The following LDB2 variants were observed in gnomAD, a reference collection of about 807,000 sequenced individuals.
The protein encoded by LDB2 is LIM domain-binding protein 2.
In LDB2, 12 loss-of-function variants were observed where a neutral mutation model predicts 44.3. That is an observed-to-expected ratio of 0.27 (90% CI 0.17 to 0.44). The LOEUF (loss-of-function observed/expected upper bound fraction) is 0.44. LDB2 is among the 20% of genes least tolerant of loss of function. The probability of loss-of-function intolerance (pLI) is 1.00; values close to 1 mark genes in which losing one functional copy is unlikely to be tolerated. For synonymous variants in LDB2, 164 were observed against 174.8 expected, an observed-to-expected ratio of 0.94 and a Z score of 0.49; for missense variants, 344 against 473.5, an observed-to-expected ratio of 0.73 and a Z score of 2.54.
chr4:16,840,875 A>G (rs1344573594), intron 1 of LDB2, among the ~76,000 whole-genome samples: 4 of 152,188 alleles, frequency 2.6e-5, no homozygotes, highest in Non-Finnish European at 5.9e-5. Flanking sequence ...AACAGGGGTG[A>G]TGCCTCATTC....
chr4:16,730,908 T>TC lies in LDB2; in HGVS notation c.235+28249dup, dbSNP rs767448497. On this transcript the variant is annotated intron_variant, in intron 2 of 7. Coordinates refer to ENST00000304523, the MANE Select transcript of LDB2 (RefSeq NM_001290.5). ...CCTGTTCCATTAAATATTATTCTTA[T>TC]CCCCCTTGACTGTCAAGAATATTGC... Among the ~76,000 whole-genome samples, 230 of 152,262 alleles carry TC rather than the reference T, an allele frequency of 1.5e-3. 3 individuals are homozygous for TC. The highest frequency in any genetic ancestry group is 6.8e-3 in the Middle Eastern group (2 of 294).
intron 1 of LDB2, among the ~76,000 whole-genome samples, chr4:16,780,477 C>A (rs1236036355): frequency 2.6e-5 from 4 of 152,172 alleles, no homozygotes; most frequent in Non-Finnish European, 2.9e-5. Context: ...GCTGCCTCAG[C>A]CTCCCAAAGT....
At chr4:16,768,944 G>A (rs1769987329) in intron 1 of LDB2, among the ~76,000 whole-genome samples, 1 of 152,192 alleles carries the variant, frequency 6.6e-6, no homozygotes, top group African/African-American at 2.4e-5. Context: ...CCACGAAAGA[G>A]TTCAACCCCA....
chr4:16,530,488 C>G (rs1729779882), intron 5 of LDB2, among the ~76,000 whole-genome samples: 1 of 152,154 alleles, frequency 6.6e-6, no homozygotes, highest in East Asian at 1.9e-4. Context: ...GTAAGCTGCC[C>G]AAGGGCACAC....
Position 16,709,580 on chromosome 4 carries a change from C to T in LDB2, c.235+49578G>A, listed in dbSNP as rs1336669000. Among the ~76,000 whole-genome samples the T allele has an allele frequency of 1.4e-4, 22 of 152,078 alleles. 1 individual carries two copies. Among genetic ancestry groups the T allele is most frequent in the Admixed American group, 1.4e-3 (22 of 15,276 alleles). On this transcript the variant is annotated intron_variant, in intron 2 of 7. Transcript: ENST00000304523. ...CACAAGATATTTGTAGGGTAAGAACCTTCTGTACAAGAATTTATCAAAGGA... is the reference window on the plus strand; with the variant it reads ...CACAAGATATTTGTAGGGTAAGAACTTTCTGTACAAGAATTTATCAAAGGA...
At chr4:16,692,020 C>T (rs954861317) in intron 2 of LDB2, among the ~76,000 whole-genome samples, 3 of 152,038 alleles carry the variant, frequency 2.0e-5, no homozygotes, top group African/African-American at 7.3e-5. Context: ...CTTTATTGTG[C>T]TGAATCTGTG....
At chr4:16,645,050 C>T (rs990708381) in intron 2 of LDB2, among the ~76,000 whole-genome samples, 2 of 152,170 alleles carry the variant, frequency 1.3e-5, no homozygotes, top group African/African-American at 4.8e-5. Flanking sequence ...CACCCCCTGC[C>T]CAACTCTCTA....
At chr4:16,811,905 C>T (rs1444810881) in intron 1 of LDB2, among the ~76,000 whole-genome samples, 1 of 152,164 alleles carries the variant, frequency 6.6e-6, no homozygotes, top group African/African-American at 2.4e-5. Flanking sequence ...ACAAAATTAT[C>T]AGAGCTCATT....
Position 16,605,155 on chromosome 4 carries a change from C to A in LDB2, c.236-9280G>T, listed in dbSNP as rs138700316. On this transcript the variant is annotated intron_variant, in intron 2 of 7. Transcript: ENST00000304523. ...TTCTCTGATTCGAGTAGGATGATCC[C>A]GGTTATGGTAATACTGATTAGCTCT... is the stretch of plus-strand genomic sequence containing the variant. Among the ~76,000 whole-genome samples, 4 of 152,092 alleles carry A rather than the reference C, an allele frequency of 2.6e-5. No homozygotes were observed. In the East Asian group the frequency reaches 7.7e-4, roughly 29 times the overall value.
chr4:16,653,305 A>T (rs1299862393), intron 2 of LDB2, among the ~76,000 whole-genome samples: 1 of 152,214 alleles, frequency 6.6e-6, no homozygotes, highest in Non-Finnish European at 1.5e-5. Context: ...CTGCACAAGC[A>T]GGTATACACC....
chr4:16,898,276 C>T, intron 1 of LDB2, 78 bp downstream of exon 1: 1 of 1,413,460 alleles, frequency 7.1e-7, no homozygotes, highest in Non-Finnish European at 9.8e-7. Flanking sequence ...CCATAGAATT[C>T]AGCCAGAAAC....
chr4:16,556,527 C>T (rs976160549), intron 5 of LDB2, among the ~76,000 whole-genome samples: 1 of 152,148 alleles, frequency 6.6e-6, no homozygotes, highest in African/African-American at 2.4e-5. Flanking sequence ...TTAAGTATGT[C>T]AAAGGTATTT....
chr4:16,771,496 C>T (rs182505928), intron 1 of LDB2, among the ~76,000 whole-genome samples: 2 of 152,304 alleles, frequency 1.3e-5, no homozygotes, highest in East Asian at 3.9e-4. Context: ...CACTTCTTAA[C>T]CAAAGAGGCA....
rs553104945 is a variant in LDB2, at chr4:16,751,114, T to C, written c.235+8044A>G. On this transcript the variant is annotated intron_variant, in intron 2 of 7. Coordinates refer to ENST00000304523, the MANE Select transcript of LDB2 (RefSeq NM_001290.5). The stretch of plus-strand genomic sequence containing the variant: ...CAAAGAGCACATAATGTCCATTTTC[T>C]GGTTAGTACCTCATTCAGACCTCCA... 2.0e-5 allele frequency among the ~76,000 whole-genome samples: 3 copies of C among 152,328 alleles called. No individual in the cohort carries two copies. The South Asian group carries it at 6.2e-4, about 32-fold the overall frequency.
At chr4:16,616,663 G>A (rs971384232) in intron 2 of LDB2, among the ~76,000 whole-genome samples, 9 of 140,502 alleles carry the variant, frequency 6.4e-5, no homozygotes, top group African/African-American at 2.1e-4. Flanking sequence ...CCCTGGTGCT[G>A]TATGACTCTG....
intron 2 of LDB2, among the ~76,000 whole-genome samples, chr4:16,678,450 G>A (rs1746900085): frequency 6.6e-6 from 1 of 152,154 alleles, no homozygotes; most frequent in Non-Finnish European, 1.5e-5. Flanking sequence ...TCATGGGACA[G>A]GCAAAATGCA....
rs575410368 is a variant in LDB2 at position 16,531,122 on chromosome 4, C to G, written c.616-19018G>C. 8.5e-5 allele frequency among the ~76,000 whole-genome samples: 13 copies of G among 152,322 alleles called. No homozygotes were observed. The East Asian group carries it at 9.6e-4, about 11-fold the overall frequency. On this transcript the variant is annotated intron_variant, in intron 5 of 7. Coordinates refer to ENST00000304523, the MANE Select transcript of LDB2 (RefSeq NM_001290.5). ...ACCCAGGAAGGTGCTCAGCAAACAG[C>G]AGGTGCTCCATAAACACCTATTGAA...
chr4:16,832,057 T>A (rs1784160837), intron 1 of LDB2, among the ~76,000 whole-genome samples: 1 of 152,206 alleles, frequency 6.6e-6, no homozygotes, highest in African/African-American at 2.4e-5. Flanking sequence ...ACAACAAAAC[T>A]TTAATTTGTT....
chr4:16,837,268 T>C (rs1051740190), intron 1 of LDB2, among the ~76,000 whole-genome samples: 1 of 152,194 alleles, frequency 6.6e-6, no homozygotes, highest in Non-Finnish European at 1.5e-5. Flanking sequence ...AATAATAACA[T>C]CTACCTTGGA....
Sources: gnomAD v4.1 joint callset for allele counts (sites outside exome capture counted in the v4.1 genomes callset) on GRCh38, gnomAD v4.1.1 for gene constraint, MANE v1.5 for transcripts, NCBI Gene and HGNC (gene_info 2026-07-23, HGNC 2026-07-21) for gene names.